PLCB1: variants seen among roughly 807,000 people sequenced by gnomAD.
PLCB1 encodes phospholipase C beta 1.
A neutral mutation model predicts 161.8 loss-of-function variants in PLCB1; 46 were observed. The observed-to-expected ratio is 0.28, with a 90% CI of 0.22 to 0.36. PLCB1 has a LOEUF of 0.36. Among genes scored for constraint, PLCB1 ranks in the 10% least tolerant of loss-of-function variants. PLCB1 has a pLI of 1.00. For synonymous variants in PLCB1, 517 were observed against 503.7 expected, an observed-to-expected ratio of 1.03 and a Z score of -0.35; for missense variants, 1,016 against 1,472.5, an observed-to-expected ratio of 0.69 and a Z score of 5.07.
chr20:8,439,271 A>G (rs528427605), intron 3 of PLCB1, among the ~76,000 whole-genome samples: 3 of 152,220 alleles, frequency 2.0e-5, no homozygotes, highest in Non-Finnish European at 2.9e-5. Context: ...GCCTCCAGGC[A>G]TCTAGCAGGG....
At chr20:8,252,597 C>T (rs1286923071) in intron 2 of PLCB1, among the ~76,000 whole-genome samples, 5 of 151,986 alleles carry the variant, frequency 3.3e-5, no homozygotes, top group Non-Finnish European at 5.9e-5. Context: ...TTGCTTCGTG[C>T]ATAAGCAGTG....
intron 2 of PLCB1, among the ~76,000 whole-genome samples, chr20:8,216,622 C>G (rs937407135): frequency 2.0e-5 from 3 of 151,954 alleles, no homozygotes. Context: ...GTCCACTCAA[C>G]CAAAGGTAGT....
At chr20:8,546,823 C>T (rs895725771) in intron 3 of PLCB1, among the ~76,000 whole-genome samples, 5 of 151,300 alleles carry the variant, frequency 3.3e-5, no homozygotes. Flanking sequence ...TTTCTGTTTT[C>T]CAAAAAGAGT....
At chr20:8,139,016 T>C (rs1465696738) in intron 1 of PLCB1, among the ~76,000 whole-genome samples, 4 of 150,328 alleles carry the variant, frequency 2.7e-5, no homozygotes, top group Admixed American at 6.7e-5. Flanking sequence ...TTATTTATAC[T>C]AAAATTATTT....
intron 3 of PLCB1, among the ~76,000 whole-genome samples, chr20:8,423,732 G>A (rs1030259513): frequency 2.0e-5 from 3 of 152,110 alleles, no homozygotes; most frequent in African/African-American, 7.2e-5. Context: ...TTTATACTAT[G>A]ACTGGGAGGA....
chr20:8,242,280 A>G (rs563598623), intron 2 of PLCB1, among the ~76,000 whole-genome samples: 1 of 152,058 alleles, frequency 6.6e-6, no homozygotes, highest in African/African-American at 2.4e-5. Flanking sequence ...TCAGTGCCAG[A>G]TTCCACGGGC....
At chr20:8,791,253 A>G (rs555054091) in intron 31 of PLCB1, among the ~76,000 whole-genome samples, 6 of 152,140 alleles carry the variant, frequency 3.9e-5, no homozygotes, top group Non-Finnish European at 7.4e-5. Flanking sequence ...TTACTTAGAT[A>G]TGGTGCTAAT....
chr20:8,259,307 T>A (rs1006261049), intron 2 of PLCB1, among the ~76,000 whole-genome samples: 2 of 152,108 alleles, frequency 1.3e-5, no homozygotes, highest in African/African-American at 4.8e-5. Flanking sequence ...GAAGTCTGAA[T>A]CCAAAGGTGT....
intron 2 of PLCB1, among the ~76,000 whole-genome samples, chr20:8,252,484 A>T (rs1981198742): frequency 6.6e-6 from 1 of 152,008 alleles, no homozygotes; most frequent in South Asian, 2.1e-4. Context: ...GATGAAAAGT[A>T]GGTCATATAA....
chr20:8,571,390 G>C (rs992128454), intron 3 of PLCB1, among the ~76,000 whole-genome samples: 6 of 152,134 alleles, frequency 3.9e-5, no homozygotes, highest in African/African-American at 1.4e-4. Context: ...GCTGAGGCAG[G>C]AGAATCACTT....
chr20:8,342,483 C>A (rs1354105075), intron 2 of PLCB1, among the ~76,000 whole-genome samples: 2 of 152,150 alleles, frequency 1.3e-5, no homozygotes, highest in African/African-American at 4.8e-5. Flanking sequence ...CAGATTGTAA[C>A]ACATTTTGCA....
At chr20:8,562,609 G>A (rs1292643400) in intron 3 of PLCB1, among the ~76,000 whole-genome samples, 1 of 152,068 alleles carries the variant, frequency 6.6e-6, no homozygotes, top group Non-Finnish European at 1.5e-5. Context: ...ATGGTGTGCA[G>A]TCTTTCAGCC....
chr20:8,381,256 A>G (rs1987244414), intron 3 of PLCB1, among the ~76,000 whole-genome samples: 1 of 152,174 alleles, frequency 6.6e-6, no homozygotes, highest in Non-Finnish European at 1.5e-5. Flanking sequence ...ATTGATTTGC[A>G]TATGTTGAAC....
At chr20:8,751,534 GCA>G (rs1981482618) in intron 23 of PLCB1, 1 of 152,180 alleles carries the variant, frequency 6.6e-6, no homozygotes, top group African/African-American at 2.4e-5. Context: ...TATTTTCAGT[GCA>G]CTTCTGTTCA....
rs185186624 is a variant in PLCB1 at position 8,867,053 on chromosome 20, G to A, written c.3424-14569G>A. ...AAACCAAAACTAATTTTAGGTGATC[G>A]GGAGAAGGATGTTCTCCAGGGACAT... On this transcript the variant is annotated intron_variant, in intron 31 of 31. Transcript: ENST00000338037. Among the ~76,000 whole-genome samples the A allele has an allele frequency of 1.7e-4, 26 of 152,232 alleles. No individual in the cohort carries two copies. In the East Asian group the frequency reaches 2.1e-3, roughly 12 times the overall value.
intron 2 of PLCB1, among the ~76,000 whole-genome samples, chr20:8,233,257 G>A (rs1158448120): frequency 1.3e-5 from 2 of 151,968 alleles, no homozygotes. Flanking sequence ...GTCATCTAAT[G>A]GGAATAATAA....
intron 23 of PLCB1, among the ~76,000 whole-genome samples, chr20:8,745,513 AATAG>A (rs1407019246): frequency 6.6e-6 from 1 of 152,162 alleles, no homozygotes; most frequent in African/African-American, 2.4e-5. Flanking sequence ...TTATAAACCA[AATAG>A]ATAAGAAAGT....
intron 3 of PLCB1, among the ~76,000 whole-genome samples, chr20:8,452,258 T>G (rs1339735071): frequency 6.6e-6 from 1 of 152,198 alleles, no homozygotes; most frequent in Non-Finnish European, 1.5e-5. Context: ...TTAATTTTTA[T>G]TCAGCCTCTT....
intron 4 of PLCB1, among the ~76,000 whole-genome samples, chr20:8,634,384 A>G (rs906313120): frequency 3.9e-5 from 6 of 152,128 alleles, no homozygotes; most frequent in Admixed American, 6.6e-5. Flanking sequence ...AGTCTAATTC[A>G]CTTATTTCAA....
Sources: allele counts gnomAD v4.1 joint callset (sites outside exome capture counted in the v4.1 genomes callset), GRCh38; gene constraint gnomAD v4.1.1; transcripts MANE v1.5; gene names NCBI Gene and HGNC (gene_info 2026-07-23, HGNC 2026-07-21).